The following USP20 variants were observed in gnomAD, a reference collection of about 807,000 sequenced individuals.
USP20 encodes the protein ubiquitin specific peptidase 20, also known as ubiquitin carboxyl-terminal hydrolase 20.
A neutral mutation model predicts 124.2 loss-of-function variants in USP20; 80 were observed. That is an observed-to-expected ratio of 0.64 (90% CI 0.54 to 0.78). USP20 has a LOEUF of 0.78. USP20 is among the 30% of genes least tolerant of loss of function. The pLI is 0.00. For synonymous variants in USP20, 481 were observed against 512.3 expected (o/e 0.94, Z 0.83); for missense variants, 1,043 against 1,244.4 (o/e 0.84, Z 2.44).
chr9:129,860,451 T>G (rs202172039), intron 6 of USP20, among the ~76,000 whole-genome samples: 44 of 3,168 alleles, frequency 0.014, no homozygotes, highest in Non-Finnish European at 0.048. Flanking sequence ...AAATAAAATA[T>G]TTTTTTTATT....
intron 1 of USP20, among the ~76,000 whole-genome samples, 165 bp from the exon 2 acceptor site, chr9:129,849,648 A>C (rs969528266): frequency 6.6e-6 from 1 of 152,148 alleles, no homozygotes. Flanking sequence ...CTATAGTCCC[A>C]GCTACTTGGG....
intron 9 of USP20, among the ~76,000 whole-genome samples, chr9:129,863,641 T>C (rs773664670): frequency 1.3e-5 from 2 of 152,168 alleles, no homozygotes; most frequent in Non-Finnish European, 2.9e-5. Flanking sequence ...ACTGTGTGTG[T>C]AGAAGGAGGT....
Position 129,858,606 on chromosome 9 carries a change from G to C in USP20, c.330+8G>C. ...TCCAAGTTCTCTGAACAGGTAACCT[G>C]TGTGGTGGGCTCTGTTTGGTTGTTG... is the stretch of plus-strand genomic sequence containing the variant. On this transcript the variant is annotated splice_region_variant and intron_variant, in intron 6 of 25. Coordinates refer to ENST00000372429, the MANE Select transcript of USP20 (RefSeq NM_001110303.4). 1 of 1,612,526 alleles carries C rather than the reference G, an allele frequency of 6.2e-7. No individual in the cohort carries two copies. Among genetic ancestry groups the C allele is most frequent in the Non-Finnish European group, 8.5e-7 (1 of 1,179,454 alleles).
At chr9:129,865,190 A>T in intron 9 of USP20, 113 bp from the exon 10 acceptor site, 1 of 1,124,176 alleles carries the variant, frequency 8.9e-7, no homozygotes, top group Non-Finnish European at 1.3e-6. Flanking sequence ...CCCTCCCCAA[A>T]TGTCAGGAAA....
Position 129,874,912 on chromosome 9 carries a change from G to A in USP20, c.2005G>A (p.Glu669Lys). The change falls in exon 19 of 26, where the codon GAG (glutamate) becomes AAG (lysine). Residue 669 changes from glutamate to lysine, a missense_variant. Transcript: ENST00000372429. ...TGACCAGTACGTCACAGAAGTCCAC[G>A]AGACGGTGGTGCAGAACGCCGAGGG... The part of the protein sequence containing the change: ...FDDQYVTEVH[E>K]TVVQNAEGYV... 1.2e-6 allele frequency: 2 copies of A among 1,614,118 alleles called. No individual in the cohort carries two copies. Among genetic ancestry groups the A allele is most frequent in the East Asian group, 2.2e-5 (1 of 44,882 alleles).
intron 1 of USP20, among the ~76,000 whole-genome samples, chr9:129,848,410 T>C (rs984923890): frequency 1.3e-5 from 2 of 152,174 alleles, no homozygotes; most frequent in Admixed American, 1.3e-4. Context: ...TGAGAATACA[T>C]TGAGGGCTGT....
chr9:129,880,393 A>G (rs2034592726), intron 25 of USP20, 74 bp from the exon 26 acceptor site: 1 of 1,348,058 alleles, frequency 7.4e-7, no homozygotes, highest in African/African-American at 1.5e-5. Flanking sequence ...GGTCCCTGAA[A>G]GCACCTTCCT....
intron 15 of USP20, among the ~76,000 whole-genome samples, chr9:129,873,211 G>A (rs1230252783): frequency 6.7e-6 from 1 of 148,932 alleles, no homozygotes; most frequent in Non-Finnish European, 1.5e-5. Flanking sequence ...AGCCTCCTGA[G>A]TAGCTGGGAT....
chr9:129,868,958 G>A lies in USP20; in HGVS notation c.1232G>A (p.Arg411His), dbSNP rs750749634. Residue 411 changes from arginine (R) to histidine (H), a missense_variant, in exon 12 of 26, where the codon CGT (arginine) becomes CAT (histidine). Physicochemically the swap from Arg to His is conservative, Grantham distance 29. Transcript: ENST00000372429. ...GHAKLSSSPP[R>H]ASPVRMAPSY... ...GCCAAGCTGTCTAGCAGCCCCCCTC[G>A]TGCAAGCCCCGTGAGGATGGCACCG... 1.1e-5 allele frequency: 17 copies of A among 1,612,722 alleles called. No individual in the cohort carries two copies. The highest frequency in any genetic ancestry group is 2.2e-5 in the East Asian group (1 of 44,822).
intron 5 of USP20, 108 bp from the exon 6 acceptor site, chr9:129,858,359 C>T: frequency 6.5e-7 from 1 of 1,528,684 alleles, no homozygotes. Context: ...CGGCCTCTGT[C>T]CTGACAGGGC....
intron 22 of USP20, 79 bp from the exon 23 acceptor site, chr9:129,878,259 G>A: frequency 1.7e-6 from 2 of 1,158,380 alleles, no homozygotes; most frequent in Admixed American, 4.0e-5. Context: ...CTGGGGCGGG[G>A]GCATTTGGGA....
rs2034562902 is a variant in USP20 at position 129,879,756 on chromosome 9, T to C, written c.2584+112T>C. 1.6e-6 allele frequency: 2 copies of C among 1,266,186 alleles called. No homozygotes were observed. The highest frequency in any genetic ancestry group is 2.3e-6 in the Non-Finnish European group (2 of 888,764). 78.4% of individuals were successfully genotyped at this position (1,266,186 alleles called of 1,614,324 possible). ...CTTACCACCTGTCTTAGAGTCAGGC[T>C]GAGACGTCCACCTGAGTCCAGACCC... is the stretch of plus-strand genomic sequence containing the variant. On this transcript the variant is annotated intron_variant, in intron 24 of 25. Coordinates refer to ENST00000372429, the MANE Select transcript of USP20 (RefSeq NM_001110303.4). The surrounding 1 kb of genome is among the most constrained non-coding windows in gnomAD (Gnocchi z 4.2).
chr9:129,876,865 G>A (rs1468968649), intron 22 of USP20, among the ~76,000 whole-genome samples: 1 of 152,070 alleles, frequency 6.6e-6, no homozygotes, highest in East Asian at 1.9e-4. Context: ...CCTGTGCATT[G>A]TAGGATGTTT....
At position 129,869,021 on chromosome 9, in the gene USP20, G is replaced by C; in HGVS notation, c.1276+19G>C. Reference sequence around the variant, plus strand: ...AAGAAAGGTTCGGGGGGCACGGGAGGGTGGGTCAGCTTGAGGCTGGGAGTA... The same window carrying C: ...AAGAAAGGTTCGGGGGGCACGGGAGCGTGGGTCAGCTTGAGGCTGGGAGTA... On this transcript the variant is annotated intron_variant, in intron 12 of 25. Transcript: ENST00000372429. The C allele has an allele frequency of 6.3e-7, 1 of 1,590,474 alleles. No homozygotes were observed. Among genetic ancestry groups the C allele is most frequent in the Non-Finnish European group, 8.6e-7 (1 of 1,166,248 alleles).
At chr9:129,866,719 C>T (rs752507721) in intron 10 of USP20, among the ~76,000 whole-genome samples, 25 of 152,180 alleles carry the variant, frequency 1.6e-4, no homozygotes, top group African/African-American at 2.7e-4. Flanking sequence ...GACGCAGCTG[C>T]GGGCGCCTCT....
Position 129,858,490 on chromosome 9 carries a change from G to A in USP20, c.222G>A (p.Val74=). The A allele has an allele frequency of 3.1e-6, 5 of 1,614,200 alleles. No homozygotes were observed. The highest frequency in any genetic ancestry group is 3.3e-4 in the Middle Eastern group (2 of 6,060). ...HAQAKKHNLT[V]NLTTFRLWCY... is the part of the protein sequence containing the mutation. Reference sequence around the variant, plus strand: ...AGGCAAAAAAGCACAACTTGACCGTGAACCTGACCACGTTCCGACTGTGGT... The same window carrying A: ...AGGCAAAAAAGCACAACTTGACCGTAAACCTGACCACGTTCCGACTGTGGT... Residue 74 remains valine (V), a synonymous_variant, in exon 6 of 26, where the codon GTG becomes GTA. Coordinates refer to ENST00000372429, the MANE Select transcript of USP20 (RefSeq NM_001110303.4).
rs1373406353 is a variant in USP20, at chr9:129,874,446, T to G, written c.1741-130T>G. The G allele has an allele frequency of 8.8e-6, 11 of 1,246,546 alleles. No homozygotes were observed. The East Asian group carries it at 2.8e-4, about 31-fold the overall frequency. 77.2% of individuals were successfully genotyped at this position (1,246,546 alleles called of 1,614,324 possible). On this transcript the variant is annotated intron_variant, in intron 17 of 25. Coordinates refer to ENST00000372429, the MANE Select transcript of USP20 (RefSeq NM_001110303.4). ...GAGCGAGCCCAGTCTGGCCCCCACGTGGAACTCTTGGATTTGTTCCAATGG... is the reference window on the plus strand; with the variant it reads ...GAGCGAGCCCAGTCTGGCCCCCACGGGGAACTCTTGGATTTGTTCCAATGG...
intron 6 of USP20, among the ~76,000 whole-genome samples, chr9:129,859,164 T>C (rs1029879645): frequency 3.3e-5 from 5 of 151,676 alleles, no homozygotes; most frequent in Non-Finnish European, 7.4e-5. Flanking sequence ...AGGTGTGTCC[T>C]CAGGGAATGG....
intron 4 of USP20, among the ~76,000 whole-genome samples, chr9:129,857,337 C>T (rs2033266259): frequency 6.6e-6 from 1 of 152,244 alleles, no homozygotes; most frequent in Admixed American, 6.5e-5. Context: ...CAGAAAATGG[C>T]ACGTGCTTTC....
Sources: gnomAD v4.1 joint callset for allele counts (sites outside exome capture counted in the v4.1 genomes callset) on GRCh38, gnomAD v4.1.1 for gene constraint, Gnocchi (gnomAD v3.1) non-coding constraint, MANE v1.5 for transcripts, NCBI Gene and HGNC (gene_info 2026-07-23, HGNC 2026-07-21) for gene names.